The following ROBO2 variants were observed in gnomAD, a reference collection of about 807,000 sequenced individuals.
The protein encoded by ROBO2 is roundabout guidance receptor 2, also known as roundabout homolog 2.
In ROBO2, 53 loss-of-function variants were observed where a neutral mutation model predicts 160.8. The ratio of observed to expected loss-of-function variants is 0.33; its 90% CI spans 0.26 to 0.41. ROBO2 has a LOEUF of 0.41. Among genes scored for constraint, ROBO2 ranks in the 10% least tolerant of loss-of-function variants. The pLI, the probability that ROBO2 is intolerant of heterozygous loss-of-function variation, is 1.00. For synonymous variants in ROBO2, 664 were observed against 611.7 expected, an observed-to-expected ratio of 1.09 and a Z score of -1.26; for missense variants, 1,577 against 1,722.4, an observed-to-expected ratio of 0.92 and a Z score of 1.49.
intron 2 of ROBO2, among the ~76,000 whole-genome samples, chr3:77,373,725 G>T (rs1282726823): frequency 6.6e-6 from 1 of 151,912 alleles, no homozygotes; most frequent in Non-Finnish European, 1.5e-5. Flanking sequence ...CCTCTCTATA[G>T]GGAGAAAATT....
chr3:76,350,198 TTTC>T (rs1424086863), intron 2 of ROBO2, among the ~76,000 whole-genome samples: 3 of 152,080 alleles, frequency 2.0e-5, no homozygotes, highest in Non-Finnish European at 4.4e-5. Context: ...GATTTAAACT[TTTC>T]TTCTTGGGAT....
At position 77,275,665 on chromosome 3, in the gene ROBO2, T is replaced by A. The variant is rs139260041; in HGVS notation, c.388+177325T>A. 2.3e-3 allele frequency among the ~76,000 whole-genome samples: 345 copies of A among 152,318 alleles called. 3 individuals are homozygous for A. The highest frequency in any genetic ancestry group is 8.0e-3 in the African/African-American group (334 of 41,586). ...TCTGTTTTATCAAATAAAATCTTTT[T>A]CTCCTCATAGTTGCAGTATCCAAAT... On this transcript the variant is annotated intron_variant, in intron 2 of 25. Coordinates refer to ENST00000461745, the Ensembl canonical transcript of ROBO2.
chr3:77,611,214 C>T (rs889895453), intron 21 of ROBO2, among the ~76,000 whole-genome samples: 10 of 150,892 alleles, frequency 6.6e-5, no homozygotes, highest in African/African-American at 1.7e-4. Context: ...AGGAGAATGG[C>T]GTGAACCTGG....
At chr3:76,861,938 A>G (rs938594520) in intron 2 of ROBO2, among the ~76,000 whole-genome samples, 6 of 152,100 alleles carry the variant, frequency 3.9e-5, no homozygotes, top group African/African-American at 1.2e-4. Context: ...CATTTATTTT[A>G]TTTTATATAT....
At chr3:76,752,748 G>T (rs2060747823) in intron 2 of ROBO2, among the ~76,000 whole-genome samples, 1 of 151,810 alleles carries the variant, frequency 6.6e-6, no homozygotes, top group South Asian at 2.1e-4. Context: ...TTTACTAAAG[G>T]ATGCATTAAA....
rs143616599 is a variant in ROBO2 at position 77,556,023 on chromosome 3, C to A, written c.1232-1921C>A. Among the ~76,000 whole-genome samples the A allele has an allele frequency of 4.3e-3, 657 of 151,812 alleles. 6 individuals are homozygous for A. Among genetic ancestry groups the A allele is most frequent in the African/African-American group, 0.015 (619 of 41,452 alleles). On this transcript the variant is annotated intron_variant, in intron 8 of 25. Transcript: ENST00000461745. Reference sequence around the variant, plus strand: ...GCATCTAATGATTTCAGGGATATGACAATAAAAGCAGGTTATAAGAAGTTA... The same window carrying A: ...GCATCTAATGATTTCAGGGATATGAAAATAAAAGCAGGTTATAAGAAGTTA...
At chr3:76,598,286 G>A (rs1318499778) in intron 2 of ROBO2, among the ~76,000 whole-genome samples, 1 of 151,956 alleles carries the variant, frequency 6.6e-6, no homozygotes, top group Non-Finnish European at 1.5e-5. Flanking sequence ...GAAGGGAAGA[G>A]GAAAGTGGTT....
At chr3:76,383,087 G>C (rs1423942021) in intron 2 of ROBO2, among the ~76,000 whole-genome samples, 1 of 152,166 alleles carries the variant, frequency 6.6e-6, no homozygotes, top group Non-Finnish European at 1.5e-5. Flanking sequence ...TTTTTTGAAA[G>C]ATGTGGGAAG....
chr3:76,608,849 T>C lies in ROBO2; in HGVS notation c.110-489165T>C, dbSNP rs576149439. On this transcript the variant is annotated intron_variant, in intron 2 of 26. Coordinates refer to the ROBO2 transcript ENST00000487694. The stretch of plus-strand genomic sequence containing the variant: ...CATAGTATTTGGGATACAGGTAGTT[T>C]TTGGTGATTAGTGCACCCACCAACT... 2.8e-4 allele frequency among the ~76,000 whole-genome samples: 43 copies of C among 152,282 alleles called. 1 individual carries two copies. The South Asian group carries it at 8.7e-3, about 31-fold the overall frequency.
intron 6 of ROBO2, among the ~76,000 whole-genome samples, chr3:77,540,359 C>T (rs148378721): frequency 2.6e-5 from 4 of 152,146 alleles, no homozygotes; most frequent in African/African-American, 9.7e-5. Flanking sequence ...TTAATCAGAT[C>T]TTGGTTCGAA....
At chr3:76,911,563 C>G (rs1393125482) in intron 2 of ROBO2, among the ~76,000 whole-genome samples, 1 of 152,160 alleles carries the variant, frequency 6.6e-6, no homozygotes, top group Non-Finnish European at 1.5e-5. Context: ...CCAATCATGT[C>G]ACTTAATAAA....
rs1300638889 is a variant in ROBO2, at chr3:77,432,418, T to C, written c.389-44996T>C. On this transcript the variant is annotated intron_variant, in intron 2 of 25. Coordinates refer to ENST00000461745, the Ensembl canonical transcript of ROBO2. ...CGGTGCATGGAAGCAATATTAAATATAGTTTTTAGTTACCTCCACACCAGT... is the reference window on the plus strand; with the variant it reads ...CGGTGCATGGAAGCAATATTAAATACAGTTTTTAGTTACCTCCACACCAGT... 2.6e-5 allele frequency among the ~76,000 whole-genome samples: 4 copies of C among 152,170 alleles called. No homozygotes were observed. In the East Asian group the frequency reaches 7.7e-4, roughly 29 times the overall value.
chr3:76,811,897 G>A (rs543116363), intron 2 of ROBO2, among the ~76,000 whole-genome samples: 1 of 122,194 alleles, frequency 8.2e-6, no homozygotes, highest in South Asian at 2.9e-4. Flanking sequence ...TTGAGATGGG[G>A]TCTCATTCTG....
intron 2 of ROBO2, among the ~76,000 whole-genome samples, chr3:77,120,679 T>C (rs2074666064): frequency 6.6e-6 from 1 of 152,194 alleles, no homozygotes; most frequent in Non-Finnish European, 1.5e-5. Context: ...TTGCCACCTA[T>C]TGCCTTGTCT....
At chr3:76,920,175 C>CT (rs139367508) in intron 2 of ROBO2, among the ~76,000 whole-genome samples, 31 of 150,848 alleles carry the variant, frequency 2.1e-4, no homozygotes, top group South Asian at 1.7e-3. Context: ...TTCTCTTTTC[C>CT]TTTTTTTTTG....
chr3:76,447,704 A>G (rs1036624168), intron 2 of ROBO2, among the ~76,000 whole-genome samples: 14 of 151,728 alleles, frequency 9.2e-5, no homozygotes, highest in African/African-American at 3.4e-4. Flanking sequence ...ATGGAATACT[A>G]TGCAGCCGTA....
Position 76,901,725 on chromosome 3 carries a change from A to C in ROBO2, c.110-196289A>C, listed in dbSNP as rs181031976. Among the ~76,000 whole-genome samples, 101 of 152,188 alleles carry C rather than the reference A, an allele frequency of 6.6e-4. 2 individuals carry two copies. Among genetic ancestry groups the C allele is most frequent in the Admixed American group, 6.5e-3 (99 of 15,274 alleles). Reference sequence around the variant, plus strand: ...TTTTTTACCCAGATGCTTAAGAACAATGGATATTTTCTTGTTAAAGCACTT... The same window carrying C: ...TTTTTTACCCAGATGCTTAAGAACACTGGATATTTTCTTGTTAAAGCACTT... On this transcript the variant is annotated intron_variant, in intron 2 of 26. Transcript: ENST00000487694.
intron 1 of ROBO2, among the ~76,000 whole-genome samples, chr3:75,917,152 C>T (rs1303115476): frequency 1.3e-5 from 2 of 151,848 alleles, no homozygotes; most frequent in South Asian, 2.1e-4. Context: ...AAGCTCCACA[C>T]GCATTAGCTA....
intron 2 of ROBO2, among the ~76,000 whole-genome samples, chr3:75,986,469 G>A (rs915265739): frequency 1.3e-5 from 2 of 150,250 alleles, no homozygotes; most frequent in Non-Finnish European, 1.5e-5. Context: ...AACATCATTT[G>A]CAAATTTTTT....
Sources: gnomAD v4.1 joint callset for allele counts (sites outside exome capture counted in the v4.1 genomes callset) on GRCh38, gnomAD v4.1.1 for gene constraint, MANE v1.5 for transcripts, NCBI Gene and HGNC (gene_info 2026-07-23, HGNC 2026-07-21) for gene names.